ANKS1B: variants seen among roughly 807,000 people sequenced by gnomAD.
ANKS1B encodes ankyrin repeat and sterile alpha motif domain-containing protein 1B.
ANKS1B carries 36 observed loss-of-function variants against 148.3 expected under a neutral mutation model. The observed-to-expected ratio is 0.24, with a 90% CI of 0.19 to 0.32. The LOEUF is 0.32. Ranked by LOEUF, ANKS1B falls within the 10% of genes least tolerant of loss-of-function variation. The pLI, the probability that ANKS1B is intolerant of heterozygous loss-of-function variation, is 1.00. For missense variants in ANKS1B, 1,157 were observed against 1,542.6 expected (o/e 0.75, Z 4.19); for synonymous variants, 542 against 560.8 (o/e 0.97, Z 0.47).
At chr12:98,834,779 T>C (rs2099352503) in intron 17 of ANKS1B, among the ~76,000 whole-genome samples, 1 of 152,242 alleles carries the variant, frequency 6.6e-6, no homozygotes, top group Non-Finnish European at 1.5e-5. Context: ...GCATTGTTTA[T>C]ACGATCCATA....
At chr12:99,870,247 T>A (rs1179976781) in intron 1 of ANKS1B, among the ~76,000 whole-genome samples, 2 of 152,184 alleles carry the variant, frequency 1.3e-5, no homozygotes, top group Non-Finnish European at 2.9e-5. Flanking sequence ...TCCAGCTACA[T>A]CCATGTTGCT....
At chr12:98,874,429 C>A (rs1354312827) in intron 17 of ANKS1B, among the ~76,000 whole-genome samples, 1 of 152,190 alleles carries the variant, frequency 6.6e-6, no homozygotes, top group African/African-American at 2.4e-5. Context: ...ACGTCTCACA[C>A]AATTTCCTTC....
At chr12:99,055,452 G>C (rs1310883260) in intron 16 of ANKS1B, among the ~76,000 whole-genome samples, 1 of 152,170 alleles carries the variant, frequency 6.6e-6, no homozygotes. Flanking sequence ...TCTCATACCA[G>C]TGAACTGTGC....
chr12:99,714,465 A>G (rs1272789045), intron 8 of ANKS1B, among the ~76,000 whole-genome samples: 1 of 152,052 alleles, frequency 6.6e-6, no homozygotes, highest in African/African-American at 2.4e-5. Context: ...TATCAGCACC[A>G]TTTTTCCAAC....
intron 6 of ANKS1B, among the ~76,000 whole-genome samples, chr12:99,776,512 C>G (rs896647006): frequency 6.6e-6 from 1 of 152,100 alleles, no homozygotes; most frequent in African/African-American, 2.4e-5. Flanking sequence ...ATAAAGAAAA[C>G]AGCATCTGAA....
At chr12:98,928,545 C>A (rs919474456) in intron 17 of ANKS1B, among the ~76,000 whole-genome samples, 3 of 151,962 alleles carry the variant, frequency 2.0e-5, no homozygotes, top group Admixed American at 1.3e-4. Flanking sequence ...AAAATATCAG[C>A]AATCTGAATC....
At chr12:98,779,436 G>C (rs2098712609) in intron 24 of ANKS1B, among the ~76,000 whole-genome samples, 1 of 152,180 alleles carries the variant, frequency 6.6e-6, no homozygotes, top group Non-Finnish European at 1.5e-5. Context: ...CCTTAGGACT[G>C]TAGGAACTTC....
chr12:99,775,220 T>C (rs967144087), intron 7 of ANKS1B, among the ~76,000 whole-genome samples: 1 of 152,168 alleles, frequency 6.6e-6, no homozygotes, highest in East Asian at 1.9e-4. Flanking sequence ...TTTTGGCAAT[T>C]ATTCCACAAA....
intron 1 of ANKS1B, among the ~76,000 whole-genome samples, chr12:99,920,171 G>C (rs955206935): frequency 1.3e-5 from 2 of 151,952 alleles, no homozygotes; most frequent in African/African-American, 2.4e-5. Context: ...CACTATCCTG[G>C]ATGCAACACA....
chr12:99,325,914 C>T (rs897544030), intron 12 of ANKS1B, among the ~76,000 whole-genome samples: 1 of 152,050 alleles, frequency 6.6e-6, no homozygotes, highest in Non-Finnish European at 1.5e-5. Flanking sequence ...TTAACTGACT[C>T]ACAATTCAGC....
At chr12:99,212,356 AG>A (rs1358209530) in intron 14 of ANKS1B, among the ~76,000 whole-genome samples, 41 of 56,344 alleles carry the variant, frequency 7.3e-4, no homozygotes, top group African/African-American at 3.4e-3. Flanking sequence ...ACACGTGTAG[AG>A]ATTTTTTTTT....
intron 1 of ANKS1B, among the ~76,000 whole-genome samples, chr12:99,929,795 A>G (rs2094566637): frequency 6.6e-6 from 1 of 152,068 alleles, no homozygotes; most frequent in African/African-American, 2.4e-5. Context: ...TTTGTCAAAG[A>G]TCAGATAGTT....
chr12:98,766,021 C>A (rs201624821), intron 25 of ANKS1B, among the ~76,000 whole-genome samples: 2 of 152,324 alleles, frequency 1.3e-5, no homozygotes, highest in East Asian at 3.9e-4. Flanking sequence ...GGGGGTGCAA[C>A]AAATACATGC....
chr12:98,775,014 T>C (rs987016175), intron 24 of ANKS1B, among the ~76,000 whole-genome samples: 1 of 152,000 alleles, frequency 6.6e-6, no homozygotes, highest in African/African-American at 2.4e-5. Context: ...GATGGGTGAG[T>C]CTTAAAATAA....
Position 98,848,947 on chromosome 12 carries a change from C to T in ANKS1B, c.2779-16811G>A, listed in dbSNP as rs112185328. 9.7e-3 allele frequency among the ~76,000 whole-genome samples: 1,468 copies of T among 151,990 alleles called. 18 individuals carry two copies. The highest frequency in any genetic ancestry group is 0.033 in the African/African-American group (1,367 of 41,460). On this transcript the variant is annotated intron_variant, in intron 17 of 26. Transcript: ENST00000683438. Reference sequence around the variant, plus strand: ...AGAGATGGGGTTTCACCATGTTGGCCAGGCTGGTCTCAAACTCCTGACCTC... The same window carrying T: ...AGAGATGGGGTTTCACCATGTTGGCTAGGCTGGTCTCAAACTCCTGACCTC...
At chr12:99,413,492 C>T (rs2094788968) in intron 11 of ANKS1B, among the ~76,000 whole-genome samples, 1 of 152,112 alleles carries the variant, frequency 6.6e-6, no homozygotes, top group African/African-American at 2.4e-5. Context: ...CTATTGGTAG[C>T]ATTGATTTTT....
At chr12:99,777,958 G>T (rs1464105862) in intron 6 of ANKS1B, among the ~76,000 whole-genome samples, 3 of 151,518 alleles carry the variant, frequency 2.0e-5, no homozygotes, top group Non-Finnish European at 4.4e-5. Context: ...CAGCATTTTG[G>T]GAGGCCAAGG....
chr12:99,532,175 T>G (rs964655958), intron 9 of ANKS1B, among the ~76,000 whole-genome samples: 23 of 152,244 alleles, frequency 1.5e-4, no homozygotes, highest in Non-Finnish European at 3.2e-4. Context: ...TTATTTCTTT[T>G]GCAGTGCAGA....
At chr12:98,749,716 G>A (rs2098023567) in intron 26 of ANKS1B, among the ~76,000 whole-genome samples, 1 of 152,128 alleles carries the variant, frequency 6.6e-6, no homozygotes, top group Non-Finnish European at 1.5e-5. Flanking sequence ...GAGGACTGTG[G>A]TGGGAAACTG....
Sources: allele counts gnomAD v4.1 joint callset (sites outside exome capture counted in the v4.1 genomes callset), GRCh38; gene constraint gnomAD v4.1.1; transcripts MANE v1.5; gene names NCBI Gene and HGNC (gene_info 2026-07-23, HGNC 2026-07-21).